Variants in PRKCI observed in about 807,000 individuals in gnomAD.
PRKCI encodes protein kinase C iota, also known as protein kinase C iota type.
PRKCI carries 43 observed loss-of-function variants against 84.0 expected under a neutral mutation model. That is an observed-to-expected ratio of 0.51 (90% CI 0.40 to 0.66). PRKCI has a LOEUF of 0.66. PRKCI is among the 30% of genes least tolerant of loss of function. The pLI, the probability that PRKCI is intolerant of heterozygous loss-of-function variation, is 0.00. For synonymous variants in PRKCI, 216 were observed against 234.4 expected (o/e 0.92, Z 0.72); for missense variants, 459 against 745.6 (o/e 0.62, Z 4.48).
At position 170,295,892 on chromosome 3, in the gene PRKCI, A is replaced by G. The variant is rs749066081; in HGVS notation, c.1418-19A>G. The G allele has an allele frequency of 3.5e-6, 5 of 1,444,268 alleles. No individual in the cohort carries two copies. The highest frequency in any genetic ancestry group is 2.3e-5 in the East Asian group (1 of 43,130). 89.5% of individuals were successfully genotyped at this position (1,444,268 alleles called of 1,614,324 possible). On this transcript the variant is annotated intron_variant, in intron 14 of 17. Coordinates refer to ENST00000295797, the MANE Select transcript of PRKCI (RefSeq NM_002740.6). Reference sequence around the variant, plus strand: ...CCATGTAAAAGTTAAATATAATACTATAATTTTTATCTTTCTAGTTATTTT... The same window carrying G: ...CCATGTAAAAGTTAAATATAATACTGTAATTTTTATCTTTCTAGTTATTTT...
chr3:170,292,164 G>A (rs1568874), intron 13 of PRKCI, among the ~76,000 whole-genome samples: 5,813 of 152,222 alleles, frequency 0.038, 196 homozygotes, highest in East Asian at 0.085. Context: ...TTTATTAGTG[G>A]CAAACACTAA....
chr3:170,277,848 T>G (rs1344329380), intron 8 of PRKCI, among the ~76,000 whole-genome samples: 1 of 152,198 alleles, frequency 6.6e-6, no homozygotes, highest in Non-Finnish European at 1.5e-5. Context: ...TGTATATTTG[T>G]TTTTTTAAAC....
intron 2 of PRKCI, among the ~76,000 whole-genome samples, chr3:170,253,871 C>G (rs576905514): frequency 6.6e-6 from 1 of 151,360 alleles, no homozygotes; most frequent in Non-Finnish European, 1.5e-5. Context: ...CCGAGGCGGG[C>G]GGATCACTTG....
At chr3:170,251,028 C>G (rs1268950136) in intron 2 of PRKCI, among the ~76,000 whole-genome samples, 2 of 152,012 alleles carry the variant, frequency 1.3e-5, no homozygotes, top group East Asian at 3.9e-4. Context: ...AATACTCAAT[C>G]AGAAAGTATA....
intron 6 of PRKCI, among the ~76,000 whole-genome samples, chr3:170,271,832 G>A (rs1734013720): frequency 6.6e-6 from 1 of 151,980 alleles, no homozygotes; most frequent in Non-Finnish European, 1.5e-5. Context: ...GCTTGCCTGT[G>A]TCTTTTTTGT....
chr3:170,289,246 A>T (rs936962914), intron 12 of PRKCI, among the ~76,000 whole-genome samples: 7 of 152,248 alleles, frequency 4.6e-5, no homozygotes, highest in Non-Finnish European at 7.3e-5. Context: ...AGAAAACAAT[A>T]AAAACCATAT....
At chr3:170,256,051 T>A (rs965751437) in intron 2 of PRKCI, among the ~76,000 whole-genome samples, 33 of 152,080 alleles carry the variant, frequency 2.2e-4, no homozygotes, top group African/African-American at 7.7e-4. Context: ...TGATGAATGA[T>A]CTTTTTAATG....
intron 5 of PRKCI, among the ~76,000 whole-genome samples, chr3:170,269,251 A>G (rs1040032319): frequency 2.6e-5 from 4 of 152,144 alleles, no homozygotes; most frequent in Admixed American, 1.3e-4. Flanking sequence ...ATAACCGCAA[A>G]TTTTTGGATG....
intron 2 of PRKCI, among the ~76,000 whole-genome samples, chr3:170,245,961 T>G (rs1437101932): frequency 7.5e-5 from 11 of 147,638 alleles, no homozygotes; most frequent in Non-Finnish European, 1.3e-4. Context: ...TTTTTTTTTT[T>G]TTTTTTTTTC....
intron 12 of PRKCI, chr3:170,291,581 C>A: frequency 3.4e-6 from 1 of 295,894 alleles, no homozygotes; most frequent in Non-Finnish European, 6.5e-6. Context: ...CCTGTAATTC[C>A]AGCTACTCAG....
chr3:170,278,417 T>C (rs1734169655), intron 8 of PRKCI, among the ~76,000 whole-genome samples: 1 of 152,176 alleles, frequency 6.6e-6, no homozygotes, highest in African/African-American at 2.4e-5. Context: ...CCTAGGACTT[T>C]AGACCGGGAG....
intron 1 of PRKCI, among the ~76,000 whole-genome samples, chr3:170,232,825 G>A (rs1732836593): frequency 6.6e-6 from 1 of 152,126 alleles, no homozygotes; most frequent in East Asian, 1.9e-4. Context: ...ACAGGCACGA[G>A]CCACCTTGCC....
intron 10 of PRKCI, chr3:170,281,673 A>T (rs1463753514): frequency 1.9e-6 from 1 of 527,528 alleles, no homozygotes; most frequent in African/African-American, 2.0e-5. Flanking sequence ...ACTTTAGAAC[A>T]GAAGTAGTAG....
intron 2 of PRKCI, among the ~76,000 whole-genome samples, chr3:170,242,164 CT>C (rs1344553088): frequency 6.6e-6 from 1 of 151,920 alleles, no homozygotes; most frequent in Admixed American, 6.5e-5. Context: ...CCAGGCTGGT[CT>C]TGAACTCCTG....
At chr3:170,235,770 T>G (rs922912591) in intron 2 of PRKCI, among the ~76,000 whole-genome samples, 7 of 152,170 alleles carry the variant, frequency 4.6e-5, no homozygotes, top group African/African-American at 1.7e-4. Context: ...TTTCGCTATG[T>G]TGGCCAAGCT....
intron 5 of PRKCI, 69 bp from the exon 6 acceptor site, chr3:170,270,352 C>G (rs1309651912): frequency 1.2e-5 from 17 of 1,424,666 alleles, no homozygotes; most frequent in Non-Finnish European, 1.6e-5. Context: ...GGAATTGAGT[C>G]AGCAAACTAT....
chr3:170,228,810 G>A (rs79045624), intron 1 of PRKCI, among the ~76,000 whole-genome samples: 9 of 151,956 alleles, frequency 5.9e-5, no homozygotes, highest in South Asian at 2.1e-4. Flanking sequence ...ACCCATCACC[G>A]GAACAGTAAA....
At chr3:170,263,821 A>G (rs1361953044) in intron 4 of PRKCI, among the ~76,000 whole-genome samples, 1 of 152,116 alleles carries the variant, frequency 6.6e-6, no homozygotes, top group Admixed American at 6.6e-5. Context: ...AAAAGGAAAT[A>G]GAAGTTCTAA....
At chr3:170,267,430 A>G (rs9845502) in intron 4 of PRKCI, among the ~76,000 whole-genome samples, 1 of 151,844 alleles carries the variant, frequency 6.6e-6, no homozygotes, top group Admixed American at 6.6e-5. Flanking sequence ...TCCCAGCACT[A>G]TGGGAGGCCG....
Sources: allele counts gnomAD v4.1 joint callset (sites outside exome capture counted in the v4.1 genomes callset), GRCh38; gene constraint gnomAD v4.1.1; transcripts MANE v1.5; gene names NCBI Gene and HGNC (gene_info 2026-07-23, HGNC 2026-07-21).